Variants in ZNF704 observed in about 807,000 individuals in gnomAD.
The protein encoded by ZNF704 is zinc finger protein 704, also known as glucocorticoid induced gene 1.
A neutral mutation model predicts 44.7 loss-of-function variants in ZNF704; 10 were observed. The ratio of observed to expected loss-of-function variants is 0.22; its 90% confidence interval spans 0.14 to 0.38. The LOEUF (loss-of-function observed/expected upper bound fraction) is 0.38. Among genes scored for constraint, ZNF704 ranks in the 10% least tolerant of loss-of-function variants. The pLI is 1.00. For missense variants in ZNF704, 390 were observed against 545.5 expected (o/e 0.71, Z 2.84); for synonymous variants, 211 against 207.6 (o/e 1.02, Z -0.14).
At chr8:80,691,210 A>G (rs939018528) in intron 3 of ZNF704, among the ~76,000 whole-genome samples, 1 of 152,182 alleles carries the variant, frequency 6.6e-6, no homozygotes, top group Admixed American at 6.5e-5. Context: ...GCTTAAAACC[A>G]AATTGTGTGT....
chr8:80,679,010 C>T (rs550178937), intron 4 of ZNF704, among the ~76,000 whole-genome samples: 1 of 152,244 alleles, frequency 6.6e-6, no homozygotes, highest in South Asian at 2.1e-4. Flanking sequence ...AAAAGTTACC[C>T]TATCTGTTGG....
At chr8:80,826,644 T>C (rs889725087) in intron 1 of ZNF704, among the ~76,000 whole-genome samples, 5 of 152,126 alleles carry the variant, frequency 3.3e-5, no homozygotes, top group African/African-American at 1.2e-4. Context: ...TAGACCAATA[T>C]CCCTGATGAA....
intron 4 of ZNF704, among the ~76,000 whole-genome samples, chr8:80,681,883 G>T (rs920066758): frequency 2.6e-5 from 4 of 152,088 alleles, no homozygotes; most frequent in African/African-American, 9.7e-5. Flanking sequence ...TGCATGGCAG[G>T]TTATTCTAAG....
rs1430991151 is a variant in ZNF704 at position 80,630,278 on chromosome 8, C to T, written c.*11088G>A. 2.6e-5 allele frequency: 4 copies of T among 152,216 alleles called. No individual in the cohort carries two copies. Among genetic ancestry groups the T allele is most frequent in the African/African-American group, 9.7e-5 (4 of 41,446 alleles). The allele number at this position is 152,216 out of a possible 1,614,324, so 9.4% of individuals were successfully genotyped here. A position where few individuals can be genotyped will look rare whatever the true frequency, so the allele number is the denominator to read the frequency against. On this transcript the variant is annotated 3_prime_UTR_variant, in exon 9 of 9. Coordinates refer to ENST00000327835, the MANE Select transcript of ZNF704 (RefSeq NM_001033723.3). ...GTGGTAAAATTATATTTCAAAAGAT[C>T]TCTAAACATTGGACAGCATTGCCAC... is the stretch of plus-strand genomic sequence containing the variant.
chr8:80,726,527 A>C (rs1806483400), intron 2 of ZNF704, among the ~76,000 whole-genome samples: 1 of 152,192 alleles, frequency 6.6e-6, no homozygotes, highest in Admixed American at 6.5e-5. Flanking sequence ...TGTTGGAGGT[A>C]CATACTCAAA....
chr8:80,838,969 G>A (rs914397645), intron 1 of ZNF704, among the ~76,000 whole-genome samples: 18 of 152,316 alleles, frequency 1.2e-4, no homozygotes, highest in Admixed American at 9.2e-4. Context: ...AGTAGTGGGA[G>A]CTGCCTCTTC....
At chr8:80,711,541 C>T (rs919724513) in intron 2 of ZNF704, among the ~76,000 whole-genome samples, 3 of 152,210 alleles carry the variant, frequency 2.0e-5, no homozygotes, top group African/African-American at 4.8e-5. Context: ...TAAAGACTCA[C>T]TGCTTTAAAG....
intron 2 of ZNF704, among the ~76,000 whole-genome samples, chr8:80,766,504 ATTTAGCT>A (rs1164608393): frequency 1.3e-5 from 2 of 152,208 alleles, no homozygotes; most frequent in Non-Finnish European, 2.9e-5. Flanking sequence ...AGCAAGCTTA[ATTTAGCT>A]TCAGTTATCT....
chr8:80,717,991 A>G (rs887547188), intron 2 of ZNF704, among the ~76,000 whole-genome samples: 4 of 152,242 alleles, frequency 2.6e-5, no homozygotes, highest in Middle Eastern at 3.2e-3. Flanking sequence ...TTAAGGCTTC[A>G]GAGCATTCAA....
intron 2 of ZNF704, among the ~76,000 whole-genome samples, chr8:80,798,258 AT>A (rs555454839): frequency 2.7e-3 from 384 of 142,802 alleles, no homozygotes; most frequent in Middle Eastern, 3.7e-3. Flanking sequence ...TAGTGTCCAT[AT>A]TTTTTTTTTT....
chr8:80,752,919 A>C (rs1230119833), intron 2 of ZNF704, among the ~76,000 whole-genome samples: 1 of 152,248 alleles, frequency 6.6e-6, no homozygotes, highest in Non-Finnish European at 1.5e-5. Flanking sequence ...CAGTTGCAGT[A>C]GGAAAGAGCA....
At chr8:80,769,415 T>G (rs1349710519) in intron 2 of ZNF704, among the ~76,000 whole-genome samples, 1 of 152,216 alleles carries the variant, frequency 6.6e-6, no homozygotes, top group Non-Finnish European at 1.5e-5. Flanking sequence ...TACCTGAGAC[T>G]GGGCAATTTA....
Position 80,801,398 on chromosome 8 carries a change from A to C in ZNF704, c.221+19976T>G, listed in dbSNP as rs569209487. ...CATGACCACAAGGCACTTACTCTAA[A>C]ACTGATCACATAATCAGAAGTAAAA... is the stretch of plus-strand genomic sequence containing the variant. On this transcript the variant is annotated intron_variant, in intron 2 of 8. Coordinates refer to ENST00000327835, the MANE Select transcript of ZNF704 (RefSeq NM_001033723.3). Among the ~76,000 whole-genome samples, 12 of 152,320 alleles carry C rather than the reference A, an allele frequency of 7.9e-5. No individual in the cohort carries two copies. The South Asian group carries it at 2.1e-3, about 26-fold the overall frequency.
intron 2 of ZNF704, among the ~76,000 whole-genome samples, chr8:80,783,723 T>C (rs1447885091): frequency 6.6e-6 from 1 of 152,158 alleles, no homozygotes; most frequent in Non-Finnish European, 1.5e-5. Flanking sequence ...TTACAACTGA[T>C]GAACCTACAC....
chr8:80,824,058 A>G (rs1278910050), intron 1 of ZNF704, among the ~76,000 whole-genome samples: 5 of 152,340 alleles, frequency 3.3e-5, no homozygotes, highest in Non-Finnish European at 7.4e-5. Flanking sequence ...GCAACAGAAC[A>G]AAGCTGGATG....
chr8:80,789,013 C>A (rs1807660042), intron 2 of ZNF704, among the ~76,000 whole-genome samples: 1 of 152,068 alleles, frequency 6.6e-6, no homozygotes, highest in Non-Finnish European at 1.5e-5. Flanking sequence ...ATACTATTTT[C>A]ATTAAAAATT....
intron 2 of ZNF704, among the ~76,000 whole-genome samples, chr8:80,764,280 C>T (rs1441787638): frequency 6.6e-6 from 1 of 152,094 alleles, no homozygotes; most frequent in Non-Finnish European, 1.5e-5. Flanking sequence ...AAGGAAAGAT[C>T]CACAGTTCCA....
Position 80,871,025 on chromosome 8 carries a change from C to T in ZNF704, c.-22+3546G>A, listed in dbSNP as rs575221365. Among the ~76,000 whole-genome samples the T allele has an allele frequency of 2.6e-4, 39 of 152,186 alleles. No individual in the cohort carries two copies. The South Asian group carries it at 8.1e-3, about 32-fold the overall frequency. ...TCCCTTTCCTTCATTACCCATCAAC[C>T]AACCCATCCACAAGTTCTTGTAGGT... On this transcript the variant is annotated intron_variant, in intron 1 of 8. Coordinates refer to ENST00000327835, the MANE Select transcript of ZNF704 (RefSeq NM_001033723.3).
chr8:80,738,188 C>T (rs1806696285), intron 2 of ZNF704, among the ~76,000 whole-genome samples: 1 of 152,120 alleles, frequency 6.6e-6, no homozygotes, highest in Middle Eastern at 3.2e-3. Context: ...ATCATGTTAA[C>T]TTGATCATTT....
Sources: gnomAD v4.1 joint callset for allele counts (sites outside exome capture counted in the v4.1 genomes callset) on GRCh38, gnomAD v4.1.1 for gene constraint, MANE v1.5 for transcripts, NCBI Gene and HGNC (gene_info 2026-07-23, HGNC 2026-07-21) for gene names.